REEP1: variants seen among roughly 807,000 people sequenced by gnomAD.
The protein encoded by REEP1 is receptor expression-enhancing protein 1.
A neutral mutation model predicts 40.3 loss-of-function variants in REEP1; 22 were observed. The observed-to-expected ratio is 0.55, with a 90% CI of 0.39 to 0.78. The LOEUF (loss-of-function observed/expected upper bound fraction) is 0.78, where lower values mean the gene tolerates loss of function less well. Among genes scored for constraint, REEP1 ranks in the 30% least tolerant of loss-of-function variants. REEP1 has a pLI of 0.00. For missense variants in REEP1, 280 were observed against 361.1 expected (o/e 0.78, Z 1.82); for synonymous variants, 116 against 139.2 (o/e 0.83, Z 1.17).
intron 1 of REEP1, among the ~76,000 whole-genome samples, chr2:86,300,788 G>C (rs1679226063): frequency 6.6e-6 from 1 of 152,158 alleles, no homozygotes; most frequent in Non-Finnish European, 1.5e-5. Flanking sequence ...AAGAGGACTT[G>C]ACTCAGATAC....
chr2:86,277,079 G>A (rs1318519335), intron 2 of REEP1, among the ~76,000 whole-genome samples: 2 of 152,170 alleles, frequency 1.3e-5, no homozygotes, highest in African/African-American at 2.4e-5. Flanking sequence ...TCTCCTGGTG[G>A]CTTCACGATA....
At chr2:86,323,863 T>C (rs372346982) in intron 1 of REEP1, among the ~76,000 whole-genome samples, 1 of 152,252 alleles carries the variant, frequency 6.6e-6, no homozygotes. Flanking sequence ...CTGCACATTA[T>C]AGAAACTCAC....
intron 5 of REEP1, among the ~76,000 whole-genome samples, chr2:86,233,870 T>C (rs185330664): frequency 2.1e-4 from 32 of 151,810 alleles, no homozygotes; most frequent in African/African-American, 7.5e-4. Flanking sequence ...ACTTGGATAA[T>C]GAAGGAAAGA....
At chr2:86,220,712 T>G (rs944134655) in intron 7 of REEP1, among the ~76,000 whole-genome samples, 4 of 152,004 alleles carry the variant, frequency 2.6e-5, no homozygotes, top group South Asian at 2.1e-4. Flanking sequence ...TGTTTGTTTT[T>G]TTTTTTGCGA....
At chr2:86,235,659 T>C (rs1221791262) in intron 5 of REEP1, among the ~76,000 whole-genome samples, 2 of 152,202 alleles carry the variant, frequency 1.3e-5, no homozygotes, top group East Asian at 1.9e-4. Flanking sequence ...TTCTTGCTCA[T>C]TGTCGCTCAG....
intron 5 of REEP1, among the ~76,000 whole-genome samples, chr2:86,236,066 A>G (rs1675306244): frequency 6.6e-6 from 1 of 152,044 alleles, no homozygotes; most frequent in Admixed American, 6.6e-5. Flanking sequence ...AAAATATAAA[A>G]TTAGCCAGGC....
intron 1 of REEP1, among the ~76,000 whole-genome samples, chr2:86,322,862 A>C (rs1290687623): frequency 6.6e-6 from 1 of 152,106 alleles, no homozygotes; most frequent in Non-Finnish European, 1.5e-5. Flanking sequence ...CTGAGGCTGC[A>C]GTACACTTCC....
Position 86,256,347 on chromosome 2 carries a change from C to CAA in REEP1, c.183-1535_183-1534dup, listed in dbSNP as rs35885517. On this transcript the variant is annotated intron_variant, in intron 3 of 8. Coordinates refer to ENST00000538924, the MANE Select transcript of REEP1 (RefSeq NM_001371279.1). ...TGGGCGACAGAGCAAGATTCCATCT[C>CAA]AAAAAAAAAAAAAAAAAAAGAACTT... Among the ~76,000 whole-genome samples the CAA allele has an allele frequency of 4.0e-4, 40 of 100,266 alleles. No homozygotes were observed. In the East Asian group the frequency reaches 4.3e-3, roughly 11 times the overall value. The allele number at this position is 100,266 out of a possible 152,430, so 65.8% of individuals were successfully genotyped here.
At chr2:86,313,079 G>A (rs551981195) in intron 1 of REEP1, among the ~76,000 whole-genome samples, 19 of 152,182 alleles carry the variant, frequency 1.2e-4, no homozygotes, top group Non-Finnish European at 2.2e-4. Flanking sequence ...TCACAGAAAA[G>A]CAAATGGATT....
chr2:86,238,867 A>G (rs1675507525), intron 5 of REEP1, among the ~76,000 whole-genome samples: 1 of 152,080 alleles, frequency 6.6e-6, no homozygotes, highest in Non-Finnish European at 1.5e-5. Flanking sequence ...ATCCACCCCA[A>G]GTGAGGTCTT....
In REEP1 at chr2:86,214,427, G is replaced by A. The variant is rs1673996885; in HGVS notation, c.*2612C>T. The A allele has an allele frequency of 6.6e-6, 1 of 152,594 alleles. No homozygotes were observed. The highest frequency in any genetic ancestry group is 2.4e-5 in the African/African-American group (1 of 41,432). 9.5% of individuals were successfully genotyped at this position (152,594 alleles called of 1,614,324 possible). Reference sequence around the variant, plus strand: ...TAAACTCTCCAGTTTATAAGCACAAGTCCACATCTCACCTCCTCAGAACAG... The same window carrying A: ...TAAACTCTCCAGTTTATAAGCACAAATCCACATCTCACCTCCTCAGAACAG... On this transcript the variant is annotated 3_prime_UTR_variant, in exon 9 of 9. Coordinates refer to ENST00000538924, the MANE Select transcript of REEP1 (RefSeq NM_001371279.1).
chr2:86,310,789 A>G (rs1198674605), intron 1 of REEP1, among the ~76,000 whole-genome samples: 3 of 152,218 alleles, frequency 2.0e-5, no homozygotes, highest in Middle Eastern at 6.8e-3. Flanking sequence ...GGATAAAAGG[A>G]AGCAAAAGAC....
At chr2:86,279,968 G>GA (rs1261327796) in intron 2 of REEP1, 1 of 456,178 alleles carries the variant, frequency 2.2e-6, no homozygotes, top group African/African-American at 2.0e-5. Flanking sequence ...ACCTTCTAGG[G>GA]AAAATAGTGA....
intron 1 of REEP1, among the ~76,000 whole-genome samples, chr2:86,307,265 A>G (rs574189216): frequency 6.6e-6 from 1 of 152,282 alleles, no homozygotes; most frequent in South Asian, 2.1e-4. Flanking sequence ...TAGCATAAGG[A>G]AAAGACCCCA....
chr2:86,328,487 T>C (rs545690288), intron 1 of REEP1, among the ~76,000 whole-genome samples: 1 of 152,318 alleles, frequency 6.6e-6, no homozygotes, highest in Non-Finnish European at 1.5e-5. Flanking sequence ...GAGACCATCC[T>C]GGCCAACATG....
In REEP1 at chr2:86,227,418, G is replaced by A; in HGVS notation, c.596-20C>T. 1 of 1,232,362 alleles carries A rather than the reference G, an allele frequency of 8.1e-7. No individual in the cohort carries two copies. Among genetic ancestry groups the A allele is most frequent in the South Asian group, 4.1e-5 (1 of 24,326 alleles). The allele number at this position is 1,232,362 out of a possible 1,614,324, so 76.3% of individuals were successfully genotyped here. A position where few individuals can be genotyped will look rare whatever the true frequency, so the allele number is the denominator to read the frequency against. ...TACACACTGTGGGAATGGGGTAGGG[G>A]CACCATCAGTGACATCCCCCACTGG... is the stretch of plus-strand genomic sequence containing the variant. On this transcript the variant is annotated intron_variant, in intron 6 of 8. Coordinates refer to ENST00000538924, the MANE Select transcript of REEP1 (RefSeq NM_001371279.1).
At chr2:86,240,931 G>C (rs1675634793) in intron 5 of REEP1, among the ~76,000 whole-genome samples, 3 of 152,256 alleles carry the variant, frequency 2.0e-5, no homozygotes, top group African/African-American at 7.2e-5. Context: ...ACTGGTGAGG[G>C]AGGTGGGCTT....
chr2:86,288,014 ATTTAT>A (rs1678488184), intron 1 of REEP1, among the ~76,000 whole-genome samples: 1 of 150,660 alleles, frequency 6.6e-6, no homozygotes, highest in Non-Finnish European at 1.5e-5. Flanking sequence ...TTTTAAAATT[ATTTAT>A]TTTATTTTTA....
intron 3 of REEP1, among the ~76,000 whole-genome samples, chr2:86,260,093 T>C (rs13005014): frequency 0.36 from 54,875 of 152,020 alleles, 11,944 homozygotes; most frequent in East Asian, 0.58. Context: ...GCCCATCCTG[T>C]GCCTGTTCTC....
Sources: allele counts gnomAD v4.1 joint callset (sites outside exome capture counted in the v4.1 genomes callset), GRCh38; gene constraint gnomAD v4.1.1; transcripts MANE v1.5; gene names NCBI Gene and HGNC (gene_info 2026-07-23, HGNC 2026-07-21).